Variants in ENOSF1 observed in about 807,000 individuals in gnomAD.
The protein encoded by ENOSF1 is enolase superfamily member 1, also known as mitochondrial enolase superfamily member 1.
ENOSF1 carries 73 observed loss-of-function variants against 68.2 expected under a neutral mutation model. The observed-to-expected ratio is 1.07, with a 90% confidence interval of 0.89 to 1.30. The LOEUF (loss-of-function observed/expected upper bound fraction) is 1.30, where lower values mean the gene tolerates loss of function less well. Among genes scored for constraint, ENOSF1 ranks in the 50% most tolerant of loss-of-function variants. ENOSF1 has a pLI of 0.00. For synonymous variants in ENOSF1, 223 were observed against 210.4 expected (o/e 1.06, Z -0.52); for missense variants, 589 against 554.5 (o/e 1.06, Z -0.62).
In ENOSF1 at chr18:670,882, G is replaced by A. The variant is rs775381768; in HGVS notation, c.*3423C>T. On this transcript the variant is annotated 3_prime_UTR_variant, in exon 16 of 16. Coordinates refer to ENST00000647584, the MANE Select transcript of ENOSF1 (RefSeq NM_017512.7). Reference sequence around the variant, plus strand: ...CGGGCCTGAAGGTGGGCTGTCTCGGGAAGGGTGACTTGCCAGCCTACCACA... The same window carrying A: ...CGGGCCTGAAGGTGGGCTGTCTCGGAAAGGGTGACTTGCCAGCCTACCACA... The A allele has an allele frequency of 5.0e-6, 8 of 1,613,332 alleles. No homozygotes were observed. The Admixed American group carries it at 6.7e-5, about 13-fold the overall frequency.
Position 670,373 on chromosome 18 carries a change from T to G in ENOSF1, c.*3932A>C, listed in dbSNP as rs2074984103. Reference sequence around the variant, plus strand: ...TAGGAGGGTGTACCAGAAGCACCAGTTTCCTGTGGCAAACAGAATTATTCC... The same window carrying G: ...TAGGAGGGTGTACCAGAAGCACCAGGTTCCTGTGGCAAACAGAATTATTCC... On this transcript the variant is annotated 3_prime_UTR_variant, in exon 16 of 16. Coordinates refer to ENST00000647584, the MANE Select transcript of ENOSF1 (RefSeq NM_017512.7). 4.1e-6 allele frequency: 1 copy of G among 241,300 alleles called. No individual in the cohort carries two copies. Among genetic ancestry groups the G allele is most frequent in the Non-Finnish European group, 8.1e-6 (1 of 124,020 alleles). The allele number at this position is 241,300 out of a possible 1,614,324, so 14.9% of individuals were successfully genotyped here.
chr18:669,923 T>C (rs57164042), downstream of ENOSF1, among the ~76,000 whole-genome samples: 49 of 151,834 alleles, frequency 3.2e-4, no homozygotes, highest in African/African-American at 1.1e-3. Context: ...GATCACGCCA[T>C]TGCACTCCAG....
At chr18:678,043 G>C in intron 12 of ENOSF1, 171 bp from the exon 13 acceptor site, 4 of 692,512 alleles carry the variant, frequency 5.8e-6, no homozygotes, top group Non-Finnish European at 9.1e-6. Context: ...AGCTTTTATA[G>C]CGTGGGCAGG....
chr18:697,401 C>CA, intron 2 of ENOSF1, 46 bp from the exon 3 acceptor site: 1 of 1,346,408 alleles, frequency 7.4e-7, no homozygotes, highest in African/African-American at 1.5e-5. Context: ...TATACTAGGT[C>CA]AAGAAATTAG....
At chr18:712,182 G>A (rs947335490) in intron 1 of ENOSF1, among the ~76,000 whole-genome samples, 2 of 152,158 alleles carry the variant, frequency 1.3e-5, no homozygotes, top group Non-Finnish European at 2.9e-5. Context: ...AAAAACCCAG[G>A]AGAGTGGAAA....
At position 689,915 on chromosome 18, in the gene ENOSF1, G is replaced by C. The variant is rs975603409; in HGVS notation, c.618+634C>G. ...TGGGGAGGCGAGGGGGCTGAAGGCT[G>C]AATTGATGGCCAATGGCCAAATAAT... is the stretch of plus-strand genomic sequence containing the variant. On this transcript the variant is annotated intron_variant, in intron 8 of 15. Transcript: ENST00000647584. 1.2e-4 allele frequency among the ~76,000 whole-genome samples: 19 copies of C among 152,276 alleles called. 1 individual carries two copies. Among genetic ancestry groups the C allele is most frequent in the African/African-American group, 4.3e-4 (18 of 41,524 alleles).
intron 3 of ENOSF1, among the ~76,000 whole-genome samples, chr18:696,599 C>T (rs530495891): frequency 6.6e-6 from 1 of 152,176 alleles, no homozygotes; most frequent in African/African-American, 2.4e-5. Flanking sequence ...GAGCACTTTC[C>T]AATTCAGGGA....
At chr18:691,535 T>C (rs2077174356) in intron 5 of ENOSF1, 1 of 394,084 alleles carries the variant, frequency 2.5e-6, no homozygotes. Flanking sequence ...TTTGTAGAGA[T>C]GGGGTCTCAC....
At chr18:666,025 T>C (rs949555550), downstream of ENOSF1, among the ~76,000 whole-genome samples, 3 of 97,746 alleles carry the variant, frequency 3.1e-5, 1 homozygote, top group Non-Finnish European at 5.7e-5. Context: ...TAGATGTCTA[T>C]TAGGTCCGCT....
rs371386331 is a variant in ENOSF1, at chr18:691,327, T to A, written c.424-51A>T. 31 of 1,474,702 alleles carry A rather than the reference T, an allele frequency of 2.1e-5. No homozygotes were observed. In the African/African-American group the frequency reaches 4.0e-4, roughly 19 times the overall value. 91.4% of individuals were successfully genotyped at this position (1,474,702 alleles called of 1,614,324 possible). A position where few individuals can be genotyped will look rare whatever the true frequency, so the allele number is the denominator to read the frequency against. ...GGCCTGAATCAATTATAAGGTGGGT[T>A]ATATTTTGTTTTTTAAAATTTATTA... On this transcript the variant is annotated intron_variant, in intron 5 of 15. Transcript: ENST00000647584.
chr18:711,652 G>A (rs1027820732), intron 1 of ENOSF1, among the ~76,000 whole-genome samples: 2 of 152,312 alleles, frequency 1.3e-5, no homozygotes, highest in African/African-American at 4.8e-5. Flanking sequence ...GGGGGCAGGG[G>A]AGGGAAGGCC....
At position 673,210 on chromosome 18, in the gene ENOSF1, G is replaced by T; in HGVS notation, c.*1095C>A. The T allele has an allele frequency of 2.3e-6, 1 of 426,692 alleles. No homozygotes were observed. The highest frequency in any genetic ancestry group is 4.1e-6 in the Non-Finnish European group (1 of 244,256). 26.4% of individuals were successfully genotyped at this position (426,692 alleles called of 1,614,324 possible). A position where few individuals can be genotyped will look rare whatever the true frequency, so the allele number is the denominator to read the frequency against. On this transcript the variant is annotated 3_prime_UTR_variant, in exon 16 of 16. Coordinates refer to ENST00000647584, the MANE Select transcript of ENOSF1 (RefSeq NM_017512.7). ...AAAGGCTTTGAGTTAACTCACTGAG[G>T]GTATCTGACAATGCTGAGGTTATGA...
rs768153033 is a variant in ENOSF1, at chr18:691,260, A to G, written c.440T>C (p.Val147Ala). ...LLVDMDPRML[V>A]SCIDFRYITD... ...GATGTACCTGAAATCTATGCAGGAT[A>G]CCAGCATCCTGGGATCCTGGCAACG... The change falls in exon 6 of 16, where the codon GTA (valine) becomes GCA (alanine). Residue 147 changes from valine (V) to alanine (A), a missense_variant. Transcript: ENST00000647584. The G allele has an allele frequency of 3.2e-5, 52 of 1,613,772 alleles. No homozygotes were observed. Among genetic ancestry groups the G allele is most frequent in the Non-Finnish European group, 4.2e-5 (50 of 1,179,664 alleles).
intron 1 of ENOSF1, among the ~76,000 whole-genome samples, chr18:710,379 G>A (rs1223396490): frequency 6.6e-6 from 1 of 151,914 alleles, no homozygotes; most frequent in Admixed American, 6.6e-5. Flanking sequence ...CAAAGTGCTG[G>A]GATTATAGGC....
chr18:674,243 T>G lies in ENOSF1; in HGVS notation c.*62A>C, dbSNP rs559976013. 3.4e-6 allele frequency: 4 copies of G among 1,181,740 alleles called. No individual in the cohort carries two copies. In the Admixed American group the frequency reaches 8.8e-5, roughly 26 times the overall value. 73.2% of individuals were successfully genotyped at this position (1,181,740 alleles called of 1,614,324 possible). A position where few individuals can be genotyped will look rare whatever the true frequency, so the allele number is the denominator to read the frequency against. ...TTTTTTAAATCCATTTTTGTAAAAC[T>G]ATTTCCAAGAAATTTTAAGCCCTTT... is the stretch of plus-strand genomic sequence containing the variant. On this transcript the variant is annotated 3_prime_UTR_variant, in exon 16 of 16. Transcript: ENST00000647584.
In ENOSF1 at chr18:672,911, G is replaced by A. The variant is rs369187265; in HGVS notation, c.*1394C>T. 3.8e-6 allele frequency: 6 copies of A among 1,599,292 alleles called. No individual in the cohort carries two copies. Among genetic ancestry groups the A allele is most frequent in the Non-Finnish European group, 4.3e-6 (5 of 1,168,354 alleles). On this transcript the variant is annotated 3_prime_UTR_variant, in exon 16 of 16. Transcript: ENST00000647584. ...AAAGCTCAGGATTCTTCGAAAAGTT[G>A]AGAAAATTGATGACTTCAAAGCTGA...
At chr18:688,519 T>G in intron 9 of ENOSF1, 55 bp downstream of exon 9, 1 of 1,612,566 alleles carries the variant, frequency 6.2e-7, no homozygotes, top group Non-Finnish European at 8.5e-7. Flanking sequence ...AGAGACTTAC[T>G]GCCTGAGTCT....
chr18:667,023 A>T (rs377610455), downstream of ENOSF1, among the ~76,000 whole-genome samples: 275 of 3,948 alleles, frequency 0.07, 50 homozygotes, highest in South Asian at 0.23. Flanking sequence ...ATGGAGATGG[A>T]GATGGTGATG....
Position 670,396 on chromosome 18 carries a change from T to G in ENOSF1, c.*3909A>C. The G allele has an allele frequency of 3.3e-6, 1 of 301,970 alleles. No individual in the cohort carries two copies. The highest frequency in any genetic ancestry group is 6.3e-5 in the South Asian group (1 of 15,884). 18.7% of individuals were successfully genotyped at this position (301,970 alleles called of 1,614,324 possible). A position where few individuals can be genotyped will look rare whatever the true frequency, so the allele number is the denominator to read the frequency against. Reference sequence around the variant, plus strand: ...AGTTTCCTGTGGCAAACAGAATTATTCCTGCTGTATTTGTAATCTGGTGCC... The same window carrying G: ...AGTTTCCTGTGGCAAACAGAATTATGCCTGCTGTATTTGTAATCTGGTGCC... On this transcript the variant is annotated 3_prime_UTR_variant, in exon 16 of 16. Coordinates refer to ENST00000647584, the MANE Select transcript of ENOSF1 (RefSeq NM_017512.7).
Sources: gnomAD v4.1 joint callset for allele counts (sites outside exome capture counted in the v4.1 genomes callset) on GRCh38, gnomAD v4.1.1 for gene constraint, MANE v1.5 for transcripts, NCBI Gene and HGNC (gene_info 2026-07-23, HGNC 2026-07-21) for gene names.